TFCP2: variants seen among roughly 807,000 people sequenced by gnomAD.
The protein encoded by TFCP2 is alpha-globin transcription factor CP2.
In TFCP2, 33 loss-of-function variants were observed where a neutral mutation model predicts 73.4. The ratio of observed to expected loss-of-function variants is 0.45; its 90% CI spans 0.34 to 0.60. The LOEUF (loss-of-function observed/expected upper bound fraction) is 0.60, where lower values mean the gene tolerates loss of function less well. TFCP2 is among the 20% of genes least tolerant of loss of function. The probability of loss-of-function intolerance (pLI) is 0.01; values close to 1 mark genes in which losing one functional copy is unlikely to be tolerated. For missense variants in TFCP2, 352 were observed against 604.0 expected, an observed-to-expected ratio of 0.58 and a Z score of 4.37; for synonymous variants, 193 against 211.6, an observed-to-expected ratio of 0.91 and a Z score of 0.76.
chr12:51,107,852 C>A (rs1001557395), intron 6 of TFCP2, among the ~76,000 whole-genome samples: 2 of 151,980 alleles, frequency 1.3e-5, no homozygotes, highest in Non-Finnish European at 2.9e-5. Context: ...GATCCGCCCA[C>A]CTCGGCCTCC....
At position 51,117,737 on chromosome 12, in the gene TFCP2, A is replaced by G. The variant is rs774553605; in HGVS notation, c.285T>C (p.Tyr95=). 21 of 1,611,024 alleles carry G rather than the reference A, an allele frequency of 1.3e-5. No individual in the cohort carries two copies. The highest frequency in any genetic ancestry group is 6.7e-5 in the African/African-American group (5 of 74,872). ...TCCTATTGTCTAGCATTCGAATTTC[A>G]TAAGACTGTCCTAGAAGAAAAAGTA... ...TLTYLNQGQS[Y]EIRMLDNRKL... The change falls in exon 3 of 15, where the codon TAT becomes TAC. Residue 95 remains tyrosine, a synonymous_variant. Transcript: ENST00000257915.
chr12:51,112,728 G>A (rs993632846), intron 4 of TFCP2, among the ~76,000 whole-genome samples: 21 of 152,076 alleles, frequency 1.4e-4, no homozygotes, highest in Admixed American at 2.6e-4. Context: ...TTAGCTGGGC[G>A]TGGTTGTGGA....
chr12:51,156,058 AAAAAAAAAAAAAAG>A (rs1473263337), intron 1 of TFCP2, among the ~76,000 whole-genome samples: 6 of 3,002 alleles, frequency 2.0e-3, no homozygotes, highest in Non-Finnish European at 7.6e-3. Flanking sequence ...AAAAAAAAAA[AAAAAAAAAAAAAAG>A]AAAGAACTAT....
intron 5 of TFCP2, 67 bp from the exon 6 acceptor site, chr12:51,109,340 T>A (rs1012487035): frequency 1.3e-6 from 2 of 1,553,444 alleles, no homozygotes; most frequent in African/African-American, 1.4e-5. Flanking sequence ...AGTATTTTTT[T>A]AGCAACTATT....
intron 1 of TFCP2, among the ~76,000 whole-genome samples, chr12:51,119,928 C>T (rs1024316453): frequency 6.6e-6 from 1 of 151,982 alleles, no homozygotes; most frequent in African/African-American, 2.4e-5. Context: ...CCTGTAATCC[C>T]AGCACTTCGG....
chr12:51,112,777 G>C (rs1940433809), intron 4 of TFCP2, among the ~76,000 whole-genome samples: 1 of 150,534 alleles, frequency 6.6e-6, no homozygotes, highest in Non-Finnish European at 1.5e-5. Flanking sequence ...TGAGGCATGA[G>C]AATGGCTTGA....
Position 51,172,471 on chromosome 12 carries a change from C to G in TFCP2, c.-49G>C. The G allele has an allele frequency of 1.2e-6, 2 of 1,609,570 alleles. No individual in the cohort carries two copies. The highest frequency in any genetic ancestry group is 2.7e-5 in the African/African-American group (2 of 74,840). On this transcript the variant is annotated 5_prime_UTR_variant, in exon 1 of 15. Coordinates refer to ENST00000257915, the MANE Select transcript of TFCP2 (RefSeq NM_005653.5). ...AGACACCGTGTCTTGTACAAAGGCG[C>G]GGAGGGTAATTCTACCCAACAGGAG... is the stretch of plus-strand genomic sequence containing the variant.
At chr12:51,164,217 AAAC>A (rs1425860619) in intron 1 of TFCP2, among the ~76,000 whole-genome samples, 5 of 152,136 alleles carry the variant, frequency 3.3e-5, no homozygotes, top group Admixed American at 1.3e-4. Context: ...AAAAACAAAC[AAAC>A]AACAACAACC....
chr12:51,116,818 T>G (rs1400242687), intron 3 of TFCP2, among the ~76,000 whole-genome samples: 3 of 152,268 alleles, frequency 2.0e-5, no homozygotes, highest in Non-Finnish European at 2.9e-5. Flanking sequence ...GGTTTCTCCA[T>G]GTTGGTCAGG....
intron 3 of TFCP2, among the ~76,000 whole-genome samples, chr12:51,117,166 T>G (rs562713036): frequency 6.6e-6 from 1 of 152,278 alleles, no homozygotes; most frequent in Non-Finnish European, 1.5e-5. Context: ...CCATCAACTT[T>G]CCTTTTGTTA....
chr12:51,113,853 C>T (rs1940457178), intron 4 of TFCP2, among the ~76,000 whole-genome samples: 1 of 152,124 alleles, frequency 6.6e-6, no homozygotes, highest in Admixed American at 6.6e-5. Flanking sequence ...TATCCACATG[C>T]AAAAGAATGA....
At chr12:51,125,002 C>G in intron 1 of TFCP2, 1 of 735,282 alleles carries the variant, frequency 1.4e-6, no homozygotes, top group Non-Finnish European at 2.5e-6. Flanking sequence ...GTGATAACTT[C>G]TCCAGCATCA....
At chr12:51,129,978 T>C (rs1023523456) in intron 1 of TFCP2, among the ~76,000 whole-genome samples, 1 of 52,128 alleles carries the variant, frequency 1.9e-5, no homozygotes, top group African/African-American at 5.7e-5. Flanking sequence ...TAAGACCCCA[T>C]CTCTACAAAA....
chr12:51,130,198 G>A (rs1036520108), intron 1 of TFCP2, among the ~76,000 whole-genome samples: 4 of 152,014 alleles, frequency 2.6e-5, no homozygotes, highest in South Asian at 2.1e-4. Context: ...TTGGCCGGGC[G>A]CAGTGGCTCA....
chr12:51,148,126 T>TTA (rs1555254920), intron 1 of TFCP2, among the ~76,000 whole-genome samples: 3 of 151,168 alleles, frequency 2.0e-5, no homozygotes, highest in Admixed American at 6.6e-5. Flanking sequence ...ATCAAAAAAT[T>TTA]AAAAAAAAAT....
intron 1 of TFCP2, among the ~76,000 whole-genome samples, chr12:51,123,546 CATTTT>C (rs1940733218): frequency 6.6e-6 from 1 of 152,148 alleles, no homozygotes; most frequent in Non-Finnish European, 1.5e-5. Flanking sequence ...TATAATTTAA[CATTTT>C]ATTATATTTT....
intron 13 of TFCP2, among the ~76,000 whole-genome samples, chr12:51,097,698 A>G (rs76461363): frequency 0.021 from 3,130 of 152,246 alleles, 54 homozygotes; most frequent in Non-Finnish European, 0.032. Context: ...ATAATCAATA[A>G]AAGATGTTTG....
chr12:51,166,064 C>T (rs1420212601), intron 1 of TFCP2, among the ~76,000 whole-genome samples: 1 of 150,990 alleles, frequency 6.6e-6, no homozygotes, highest in Non-Finnish European at 1.5e-5. Context: ...TCTGTAATCC[C>T]AGCACTTTGG....
chr12:51,143,452 T>C (rs761321270), intron 1 of TFCP2, among the ~76,000 whole-genome samples: 4 of 151,174 alleles, frequency 2.6e-5, no homozygotes, highest in Non-Finnish European at 4.4e-5. Flanking sequence ...ATAAAATATA[T>C]CTTGAGTTCA....
Sources: gnomAD v4.1 joint callset for allele counts (sites outside exome capture counted in the v4.1 genomes callset) on GRCh38, gnomAD v4.1.1 for gene constraint, MANE v1.5 for transcripts, NCBI Gene and HGNC (gene_info 2026-07-23, HGNC 2026-07-21) for gene names.